The following PROX1 variants were observed in gnomAD, a reference collection of about 807,000 sequenced individuals.
PROX1 encodes prospero homeobox protein 1.
Under a neutral mutation model 58.8 loss-of-function variants are expected in PROX1, and 7 were observed. The ratio of observed to expected loss-of-function variants is 0.12; its 90% confidence interval spans 0.07 to 0.22. The LOEUF is 0.22. Among genes scored for constraint, PROX1 ranks in the 10% least tolerant of loss-of-function variants. The pLI is 1.00. For missense variants in PROX1, 675 were observed against 927.8 expected (o/e 0.73, Z 3.54); for synonymous variants, 350 against 358.3 (o/e 0.98, Z 0.26).
intron 3 of PROX1, among the ~76,000 whole-genome samples, chr1:214,007,790 C>T (rs187644489): frequency 1.5e-3 from 231 of 152,258 alleles, no homozygotes; most frequent in Non-Finnish European, 2.7e-3. Context: ...ATAGATATTT[C>T]TTTATATATG....
At chr1:213,992,291 G>A (rs2102683523) in intron 1 of PROX1, among the ~76,000 whole-genome samples, 1 of 152,178 alleles carries the variant, frequency 6.6e-6, no homozygotes, top group African/African-American at 2.4e-5. Flanking sequence ...GTTAATTTAG[G>A]TATTAACTTA....
At chr1:214,027,445 G>T (rs971713413) in intron 4 of PROX1, among the ~76,000 whole-genome samples, 13 of 152,140 alleles carry the variant, frequency 8.5e-5, no homozygotes, top group African/African-American at 3.1e-4. Context: ...TGTCTCTCAA[G>T]ACAATTTAAC....
intron 4 of PROX1, among the ~76,000 whole-genome samples, chr1:214,033,689 C>T (rs532348393): frequency 7.2e-5 from 11 of 152,312 alleles, no homozygotes; most frequent in Middle Eastern, 6.8e-3. Context: ...GCAGTTGCTC[C>T]GCTTCACTGT....
intron 4 of PROX1, 48 bp downstream of exon 4, chr1:214,011,763 A>G: frequency 6.8e-7 from 1 of 1,469,446 alleles, no homozygotes; most frequent in Non-Finnish European, 9.2e-7. Flanking sequence ...TCCTTTTTTA[A>G]AAAATTTATT....
At position 213,992,481 on chromosome 1, in the gene PROX1, C is replaced by A. The variant is rs556300721; in HGVS notation, c.-67-3988C>A. On this transcript the variant is annotated intron_variant, in intron 1 of 4. Coordinates refer to ENST00000366958, the MANE Select transcript of PROX1 (RefSeq NM_001270616.2). The stretch of plus-strand genomic sequence containing the variant: ...TAAATCAGACCATCTGATTTTTCCC[C>A]TTTGAATCACTAATTTCCAGATTGA... Among the ~76,000 whole-genome samples, 4 of 152,160 alleles carry A rather than the reference C, an allele frequency of 2.6e-5. 1 individual carries two copies. Among genetic ancestry groups the A allele is most frequent in the African/African-American group, 9.6e-5 (4 of 41,522 alleles).
rs904313832 is a variant in PROX1, at chr1:214,038,692, G to A, written c.*2858G>A. The A allele has an allele frequency of 2.6e-5, 4 of 152,074 alleles. No individual in the cohort carries two copies. Among genetic ancestry groups the A allele is most frequent in the Non-Finnish European group, 5.9e-5 (4 of 68,006 alleles). The allele number at this position is 152,074 out of a possible 1,614,324, so 9.4% of individuals were successfully genotyped here. A position where few individuals can be genotyped will look rare whatever the true frequency, so the allele number is the denominator to read the frequency against. ...CAAAATACCAGTTTTTTCCCAACAAGTACAATTGTTCTTGTGCCTTCTGTG... is the reference window on the plus strand; with the variant it reads ...CAAAATACCAGTTTTTTCCCAACAAATACAATTGTTCTTGTGCCTTCTGTG... On this transcript the variant is annotated 3_prime_UTR_variant, in exon 5 of 5. Transcript: ENST00000366958.
intron 4 of PROX1, among the ~76,000 whole-genome samples, chr1:214,019,512 TGC>T (rs1222663163): frequency 6.6e-6 from 1 of 152,182 alleles, no homozygotes; most frequent in East Asian, 1.9e-4. Context: ...CAAAGATGGG[TGC>T]AAACCTCACC....
intron 4 of PROX1, among the ~76,000 whole-genome samples, chr1:214,022,548 T>C (rs1369914984): frequency 6.6e-6 from 1 of 152,156 alleles, no homozygotes; most frequent in Non-Finnish European, 1.5e-5. Context: ...CTGCTCTGAA[T>C]GTGGCTGAAA....
intron 1 of PROX1, among the ~76,000 whole-genome samples, chr1:213,991,075 G>T (rs1663018623): frequency 6.6e-6 from 1 of 152,162 alleles, no homozygotes; most frequent in Non-Finnish European, 1.5e-5. Context: ...AATTTTTTGT[G>T]TGTGTTGAGG....
At chr1:213,998,684 G>T (rs1388692198) in intron 2 of PROX1, among the ~76,000 whole-genome samples, 2 of 152,158 alleles carry the variant, frequency 1.3e-5, no homozygotes, top group African/African-American at 4.8e-5. Context: ...AGAATAAGGA[G>T]AAAAGTCAGT....
Position 213,997,546 on chromosome 1 carries a change from G to A in PROX1, c.1011G>A (p.Gly337=), listed in dbSNP as rs1473974581. ...REGNNKERDH[G]PNSLQPEGKH... ...GCAACAACAAAGAAAGAGACCATGGGCCAAACTCCTTACAACCGGAAGGCA... is the reference window on the plus strand; with the variant it reads ...GCAACAACAAAGAAAGAGACCATGGACCAAACTCCTTACAACCGGAAGGCA... Residue 337 remains glycine (G), a synonymous_variant, in exon 2 of 5, where the codon GGG becomes GGA. Transcript: ENST00000366958. This position sits in a 1 kb window ranked among gnomAD's most constrained non-coding sequence, Gnocchi z 7.1. The A allele has an allele frequency of 6.2e-7, 1 of 1,614,042 alleles. No homozygotes were observed. The highest frequency in any genetic ancestry group is 1.7e-5 in the Admixed American group (1 of 60,026).
At chr1:214,020,994 G>T (rs1335722871) in intron 4 of PROX1, among the ~76,000 whole-genome samples, 1 of 152,210 alleles carries the variant, frequency 6.6e-6, no homozygotes, top group African/African-American at 2.4e-5. Context: ...GAATATGCAT[G>T]TTGCAAATAT....
intron 4 of PROX1, among the ~76,000 whole-genome samples, chr1:214,031,432 A>C (rs1490086767): frequency 6.6e-6 from 1 of 152,066 alleles, no homozygotes; most frequent in African/African-American, 2.4e-5. Flanking sequence ...AAGACTTTGG[A>C]AGCCTTTTGT....
chr1:213,999,481 T>G (rs340834), intron 2 of PROX1, among the ~76,000 whole-genome samples: 151,021 of 152,306 alleles, frequency 0.99, 74,887 homozygotes, highest in Middle Eastern at 1. Flanking sequence ...TCCCAGCTAT[T>G]GGTGGAAATA....
intron 1 of PROX1, among the ~76,000 whole-genome samples, chr1:213,992,074 G>A (rs1319994603): frequency 2.6e-5 from 4 of 152,142 alleles, no homozygotes; most frequent in Non-Finnish European, 4.4e-5. Context: ...TTCACACTCT[G>A]TCTTATTTAC....
intron 1 of PROX1, among the ~76,000 whole-genome samples, chr1:213,993,401 C>T (rs1663108475): frequency 1.3e-5 from 2 of 152,078 alleles, no homozygotes; most frequent in African/African-American, 2.4e-5. Flanking sequence ...TAATACATAT[C>T]TTGAGAAATA....
rs1664813881 is a variant in PROX1 at position 214,035,938 on chromosome 1, G to T, written c.*104G>T. 16 of 945,058 alleles carry T rather than the reference G, an allele frequency of 1.7e-5. No individual in the cohort carries two copies. The highest frequency in any genetic ancestry group is 3.4e-5 in the African/African-American group (2 of 58,908). The allele number at this position is 945,058 out of a possible 1,614,324, so 58.5% of individuals were successfully genotyped here. A position where few individuals can be genotyped will look rare whatever the true frequency, so the allele number is the denominator to read the frequency against. On this transcript the variant is annotated 3_prime_UTR_variant, in exon 5 of 5. Coordinates refer to ENST00000366958, the MANE Select transcript of PROX1 (RefSeq NM_001270616.2). The stretch of plus-strand genomic sequence containing the variant: ...GATTTCATATATATGTGTATGGGAG[G>T]CATGGATATGTTATGAAATCAGCTG...
rs369040874 is a variant in PROX1 at position 214,011,601 on chromosome 1, C to T, written c.1914C>T (p.Tyr638=). The T allele has an allele frequency of 8.2e-5, 133 of 1,613,928 alleles. 1 individual carries two copies. In the Middle Eastern group the frequency reaches 3.5e-3, roughly 42 times the overall value. The part of the protein sequence containing the change: ...REFYYIQMEK[Y]ARQAINDGVT... ...TTTACTACATTCAGATGGAGAAGTA[C>T]GCACGTCAAGCCATCAACGATGGGG... The change falls in exon 4 of 5, where the codon TAC becomes TAT. Residue 638 remains tyrosine, a synonymous_variant. Coordinates refer to ENST00000366958, the MANE Select transcript of PROX1 (RefSeq NM_001270616.2).
chr1:214,007,567 G>A (rs1039181848), intron 3 of PROX1, among the ~76,000 whole-genome samples: 12 of 152,182 alleles, frequency 7.9e-5, no homozygotes, highest in African/African-American at 2.9e-4. Flanking sequence ...CAGGCAATGT[G>A]GTCCAGAGAC....
Sources: gnomAD v4.1 joint callset for allele counts (sites outside exome capture counted in the v4.1 genomes callset) on GRCh38, gnomAD v4.1.1 for gene constraint, Gnocchi (gnomAD v3.1) non-coding constraint, MANE v1.5 for transcripts, NCBI Gene and HGNC (gene_info 2026-07-23, HGNC 2026-07-21) for gene names.